The following LRIF1 variants were observed in gnomAD, a reference collection of about 807,000 sequenced individuals.
LRIF1 encodes ligand-dependent nuclear receptor-interacting factor 1.
Under a neutral mutation model 52.7 loss-of-function variants are expected in LRIF1, and 32 were observed. The ratio of observed to expected loss-of-function variants is 0.61; its 90% confidence interval spans 0.46 to 0.82. LRIF1 has a LOEUF of 0.82. Ranked by LOEUF, LRIF1 falls within the 40% of genes least tolerant of loss-of-function variation. The probability of loss-of-function intolerance (pLI) is 0.00; values close to 1 mark genes in which losing one functional copy is unlikely to be tolerated. For synonymous variants in LRIF1, 323 were observed against 317.4 expected (o/e 1.02, Z -0.19); for missense variants, 887 against 892.0 (o/e 0.99, Z 0.07).
the LRIF1 span, among the ~76,000 whole-genome samples, chr1:110,898,414 A>G: frequency 2.5e-4 from 38 of 151,410 alleles, no homozygotes; most frequent in African/African-American, 9.2e-4. Flanking sequence ...TCTCTGGTCA[A>G]TTCATTCCTC....
chr1:110,907,695 C>T, the LRIF1 span, among the ~76,000 whole-genome samples: 4 of 152,162 alleles, frequency 2.6e-5, no homozygotes, highest in African/African-American at 7.2e-5. Context: ...GATTGCACCA[C>T]GGCACTCCAG....
chr1:110,904,371 G>T, the LRIF1 span, among the ~76,000 whole-genome samples: 1 of 152,210 alleles, frequency 6.6e-6, no homozygotes, highest in Non-Finnish European at 1.5e-5. Flanking sequence ...AGTCATAGTG[G>T]TGGTCATAGA....
At chr1:110,875,486 C>T in the LRIF1 span, among the ~76,000 whole-genome samples, 1 of 152,210 alleles carries the variant, frequency 6.6e-6, no homozygotes, top group Non-Finnish European at 1.5e-5. Flanking sequence ...TGTGAGGTTA[C>T]AGCCATTGTT....
the LRIF1 span, among the ~76,000 whole-genome samples, chr1:110,913,103 T>C: frequency 6.6e-6 from 1 of 152,212 alleles, no homozygotes; most frequent in Non-Finnish European, 1.5e-5. Flanking sequence ...GGTGCTGGAA[T>C]AACTGGCTAG....
At chr1:110,894,867 C>CA in the LRIF1 span, 1 of 926,984 alleles carries the variant, frequency 1.1e-6, no homozygotes, top group Middle Eastern at 2.9e-4. Flanking sequence ...AAGGGAAGCG[C>CA]AAGTGGAACC....
rs371790059 is a variant in LRIF1 at position 110,948,433 on chromosome 1, G to A, written c.1870-34C>T. 2.6e-5 allele frequency: 41 copies of A among 1,574,470 alleles called. No homozygotes were observed. In the Middle Eastern group the frequency reaches 1.9e-3, roughly 73 times the overall value. ...TTGAATAACATTCCAAAACAAAAACGAAATGTTACTGCTAAATGCACCGGG... is the reference window on the plus strand; with the variant it reads ...TTGAATAACATTCCAAAACAAAAACAAAATGTTACTGCTAAATGCACCGGG... On this transcript the variant is annotated intron_variant, in intron 3 of 3. Transcript: ENST00000369763.
At chr1:110,908,667 A>T in the LRIF1 span, among the ~76,000 whole-genome samples, 1 of 152,186 alleles carries the variant, frequency 6.6e-6, no homozygotes, top group African/African-American at 2.4e-5. Flanking sequence ...CATTCTTTTG[A>T]ATCAATACAA....
Position 110,952,285 on chromosome 1 carries a change from G to T in LRIF1, c.599C>A (p.Ser200Ter), listed in dbSNP as rs1658514946. Residue 200 changes from serine to a stop codon, truncating the protein, a stop_gained, in exon 2 of 4, where the codon TCA (serine) becomes TAA (stop). Coordinates refer to ENST00000369763, the MANE Select transcript of LRIF1 (RefSeq NM_018372.4). LOFTEE classifies it high-confidence loss of function. Reference protein sequence around the residue: ...HAEVKSVPASSLPPSVQQKIL... With the variant: ...HAEVKSVPAS ...CTTTTGCTGCACTGAAGGAGGCAAT[G>T]ATGACGCTGGTACAGATTTCACTTC... 6.2e-7 allele frequency: 1 copy of T among 1,614,078 alleles called. No individual in the cohort carries two copies. Among genetic ancestry groups the T allele is most frequent in the Non-Finnish European group, 8.5e-7 (1 of 1,180,030 alleles).
chr1:110,959,247 GCTA>G (rs1658848428), intron 1 of LRIF1, among the ~76,000 whole-genome samples: 1 of 152,116 alleles, frequency 6.6e-6, no homozygotes, highest in Non-Finnish European at 1.5e-5. Context: ...AAGATTACAG[GCTA>G]CTAATTCTGG....
downstream of LRIF1, among the ~76,000 whole-genome samples, chr1:110,943,080 T>C (rs1658128411): frequency 6.6e-6 from 1 of 152,134 alleles, no homozygotes; most frequent in Non-Finnish European, 1.5e-5. Flanking sequence ...AAGATTATTA[T>C]GTCCCTGAAG....
chr1:110,878,879 G>A, the LRIF1 span, among the ~76,000 whole-genome samples: 16 of 152,150 alleles, frequency 1.1e-4, no homozygotes, highest in South Asian at 2.3e-3. Context: ...TCTATTAAAC[G>A]CTTTTCTTCA....
At chr1:110,890,438 A>G in the LRIF1 span, among the ~76,000 whole-genome samples, 1 of 152,090 alleles carries the variant, frequency 6.6e-6, no homozygotes, top group Non-Finnish European at 1.5e-5. Context: ...ATGATGGTGC[A>G]TGCCTTTAGT....
the LRIF1 span, among the ~76,000 whole-genome samples, chr1:110,903,118 A>T: frequency 2.6e-5 from 4 of 152,224 alleles, no homozygotes; most frequent in South Asian, 6.2e-4. Context: ...AATTGTCAAA[A>T]CTTGAATTCC....
chr1:110,950,559 T>C (rs1454726287), intron 2 of LRIF1, among the ~76,000 whole-genome samples: 3 of 152,128 alleles, frequency 2.0e-5, no homozygotes, highest in African/African-American at 7.2e-5. Context: ...AATGCTGACA[T>C]TATTGAGTAG....
the LRIF1 span, among the ~76,000 whole-genome samples, chr1:110,902,318 A>G: frequency 6.6e-6 from 1 of 152,094 alleles, no homozygotes; most frequent in Non-Finnish European, 1.5e-5. Context: ...ATTTTGTTTT[A>G]CTCACCAAAA....
chr1:110,933,021 A>C, the LRIF1 span, among the ~76,000 whole-genome samples: 8,747 of 152,254 alleles, frequency 0.057, 292 homozygotes, highest in East Asian at 0.13. Flanking sequence ...TTTATTCTAG[A>C]GGTCAAATAC....
chr1:110,916,238 CA>C, the LRIF1 span, among the ~76,000 whole-genome samples: 1 of 152,046 alleles, frequency 6.6e-6, no homozygotes, highest in Non-Finnish European at 1.5e-5. Context: ...ACTTTATAAA[CA>C]ACAATAATAA....
Position 110,952,134 on chromosome 1 carries a change from G to A in LRIF1, c.750C>T (p.Tyr250=), listed in dbSNP as rs1658506273. 1 of 1,614,108 alleles carries A rather than the reference G, an allele frequency of 6.2e-7. No individual in the cohort carries two copies. The highest frequency in any genetic ancestry group is 8.5e-7 in the Non-Finnish European group (1 of 1,179,998). The change falls in exon 2 of 4, where the codon TAC becomes TAT. Residue 250 remains tyrosine (Y), a synonymous_variant. Transcript: ENST00000369763. ...NVVTKNFQNI[Y]PKPVTEIAKP... ...TTGCTATTTCTGTAACAGGTTTTGG[G>A]TAAATGTTTTGAAAGTTCTTGGTAA...
the LRIF1 span, among the ~76,000 whole-genome samples, chr1:110,931,352 T>C: frequency 1.3e-5 from 2 of 152,334 alleles, no homozygotes; most frequent in South Asian, 2.1e-4. Flanking sequence ...CCATGGTGTA[T>C]ATGTGCCACA....
Sources: gnomAD v4.1 joint callset for allele counts (sites outside exome capture counted in the v4.1 genomes callset) on GRCh38, gnomAD v4.1.1 for gene constraint, MANE v1.5 for transcripts, NCBI Gene and HGNC (gene_info 2026-07-23, HGNC 2026-07-21) for gene names.